The following KIF5C variants were observed in gnomAD, a reference collection of about 807,000 sequenced individuals.
KIF5C encodes kinesin family member 5C, also known as kinesin heavy chain isoform 5C.
Under a neutral mutation model 125.2 loss-of-function variants are expected in KIF5C, and 18 were observed. That is an observed-to-expected ratio of 0.14 (90% CI 0.10 to 0.21). The LOEUF (loss-of-function observed/expected upper bound fraction) is 0.21, where lower values mean the gene tolerates loss of function less well. Ranked by LOEUF, KIF5C falls within the 10% of genes least tolerant of loss-of-function variation. The pLI, the probability that KIF5C is intolerant of heterozygous loss-of-function variation, is 1.00. For synonymous variants in KIF5C, 405 were observed against 434.0 expected, an observed-to-expected ratio of 0.93 and a Z score of 0.83; for missense variants, 780 against 1,183.8, an observed-to-expected ratio of 0.66 and a Z score of 5.01.
chr2:148,994,551 CTAACGTGCAGGTGTCAAACACCTGG>C lies in KIF5C; in HGVS notation c.2023+14_2023+38del. On this transcript the variant is annotated intron_variant, in intron 17 of 25. Transcript: ENST00000435030. ...CTCCGAGCCCAGGGTAAATATTTGA[CTAACGTGCAGGTGTCAAACACCTGG>C]CCTGAGTCAGACAGCCTCTGGTTGG... 6.4e-7 allele frequency: 1 copy of C among 1,553,964 alleles called. No individual in the cohort carries two copies. The highest frequency in any genetic ancestry group is 8.7e-7 in the Non-Finnish European group (1 of 1,148,514).
chr2:148,907,084 G>T (rs1681140395), intron 1 of KIF5C, among the ~76,000 whole-genome samples: 1 of 152,116 alleles, frequency 6.6e-6, no homozygotes, highest in African/African-American at 2.4e-5. Context: ...GAAAGAAAAA[G>T]AAAAAACTGA....
At chr2:148,898,932 C>A (rs532130309) in intron 1 of KIF5C, among the ~76,000 whole-genome samples, 4 of 152,276 alleles carry the variant, frequency 2.6e-5, no homozygotes, top group Non-Finnish European at 5.9e-5. Context: ...TGTTAGAGAG[C>A]AGCAACGAAT....
chr2:148,984,785 T>C (rs1475335634), intron 15 of KIF5C, among the ~76,000 whole-genome samples: 1 of 151,594 alleles, frequency 6.6e-6, no homozygotes, highest in African/African-American at 2.4e-5. Flanking sequence ...TGGTTATTTG[T>C]TTATTTATTT....
intron 21 of KIF5C, among the ~76,000 whole-genome samples, chr2:149,003,035 G>A (rs1296261229): frequency 2.6e-5 from 4 of 151,988 alleles, no homozygotes. Flanking sequence ...GCCCATGCAC[G>A]CGGACAGACA....
At chr2:148,949,274 C>A (rs1486218105) in intron 8 of KIF5C, among the ~76,000 whole-genome samples, 2 of 152,174 alleles carry the variant, frequency 1.3e-5, no homozygotes, top group African/African-American at 4.8e-5. Flanking sequence ...TTTGACTTTT[C>A]ATTTCTCTCC....
Position 148,994,403 on chromosome 2 carries a change from C to G in KIF5C, c.1906-18C>G, listed in dbSNP as rs752544977. ...ACCACTTGCTAGTCATTCACTCTTC[C>G]TTTTTGCTTGTTTAAAGCACGAAGC... On this transcript the variant is annotated intron_variant, in intron 16 of 25. Transcript: ENST00000435030. 7.0e-5 allele frequency: 108 copies of G among 1,551,316 alleles called. No homozygotes were observed. The East Asian group carries it at 2.6e-3, about 37-fold the overall frequency.
intron 17 of KIF5C, among the ~76,000 whole-genome samples, chr2:148,996,713 A>G (rs1489598472): frequency 1.3e-5 from 2 of 152,176 alleles, no homozygotes; most frequent in Non-Finnish European, 2.9e-5. Flanking sequence ...TTTAATCTCA[A>G]AAATGTTATG....
At chr2:148,915,963 G>A (rs1323949649) in intron 1 of KIF5C, among the ~76,000 whole-genome samples, 1 of 152,166 alleles carries the variant, frequency 6.6e-6, no homozygotes, top group Non-Finnish European at 1.5e-5. Flanking sequence ...ACTCTTAATA[G>A]CCATTGACTA....
rs766843270 is a variant in KIF5C at position 149,000,802 on chromosome 2, G to A, written c.2373+20G>A. The A allele has an allele frequency of 5.6e-6, 9 of 1,612,104 alleles. No homozygotes were observed. Among genetic ancestry groups the A allele is most frequent in the Non-Finnish European group, 7.6e-6 (9 of 1,179,314 alleles). On this transcript the variant is annotated intron_variant, in intron 21 of 25. Transcript: ENST00000435030. Reference sequence around the variant, plus strand: ...ACAGTGGTATGTCAAGATATTTCCCGATTTATGTTTGTCTCCAAGACCGGA... The same window carrying A: ...ACAGTGGTATGTCAAGATATTTCCCAATTTATGTTTGTCTCCAAGACCGGA...
intron 8 of KIF5C, among the ~76,000 whole-genome samples, chr2:148,948,698 C>A (rs1017056079): frequency 6.6e-6 from 1 of 152,192 alleles, no homozygotes; most frequent in South Asian, 2.1e-4. Flanking sequence ...GGTGTTCTTC[C>A]CTTAGGCTGG....
In KIF5C at chr2:148,981,380, A is replaced by G; in HGVS notation, c.1388A>G (p.Tyr463Cys). 1 of 1,611,252 alleles carries G rather than the reference A, an allele frequency of 6.2e-7. No homozygotes were observed. Among genetic ancestry groups the G allele is most frequent in the Non-Finnish European group, 8.5e-7 (1 of 1,178,818 alleles). ...DELLASTRRD[Y>C]EKIQEELTRL... ...CTTTTAGCTTCCACAAGAAGAGACT[A>G]TGAGAAGATACAGGAGGAGCTGACA... The change falls in exon 14 of 26, where the codon TAT becomes TGT. Residue 463 changes from tyrosine (Y) to cysteine (C), a missense_variant. Physicochemically the swap from Tyr to Cys is radical, Grantham distance 194. Coordinates refer to ENST00000435030, the MANE Select transcript of KIF5C (RefSeq NM_004522.3).
At chr2:148,971,577 G>GA (rs1558925047) in intron 11 of KIF5C, among the ~76,000 whole-genome samples, 1 of 152,074 alleles carries the variant, frequency 6.6e-6, no homozygotes, top group African/African-American at 2.4e-5. Context: ...AATAATTTTA[G>GA]AAAAAACGCT....
intron 12 of KIF5C, among the ~76,000 whole-genome samples, chr2:148,977,336 A>C (rs1288812081): frequency 6.6e-6 from 1 of 152,154 alleles, no homozygotes; most frequent in African/African-American, 2.4e-5. Flanking sequence ...AGTTCACTCC[A>C]TTTCTCTCCT....
intron 17 of KIF5C, among the ~76,000 whole-genome samples, chr2:148,996,006 T>G (rs1382794989): frequency 1.3e-5 from 2 of 151,884 alleles, no homozygotes; most frequent in East Asian, 3.9e-4. Flanking sequence ...AATACAAAAA[T>G]TAGCAGGGTG....
chr2:148,989,204 A>C (rs1314870309), intron 15 of KIF5C, among the ~76,000 whole-genome samples: 2 of 152,106 alleles, frequency 1.3e-5, no homozygotes, highest in Non-Finnish European at 2.9e-5. Context: ...TATGAGTGAG[A>C]ATATACGATG....
intron 12 of KIF5C, among the ~76,000 whole-genome samples, chr2:148,976,332 C>G (rs1299255247): frequency 6.6e-6 from 1 of 151,686 alleles, no homozygotes; most frequent in Middle Eastern, 3.4e-3. Flanking sequence ...TCCAGTGGTG[C>G]GACCTCAGTG....
chr2:148,971,972 G>C (rs913682697), intron 11 of KIF5C, among the ~76,000 whole-genome samples: 4 of 151,688 alleles, frequency 2.6e-5, no homozygotes, highest in Non-Finnish European at 5.9e-5. Context: ...CTTGCTCTTG[G>C]CACCCAGGCT....
intron 15 of KIF5C, among the ~76,000 whole-genome samples, chr2:148,984,754 G>T (rs1681331410): frequency 1.3e-5 from 2 of 151,984 alleles, no homozygotes; most frequent in Non-Finnish European, 2.9e-5. Context: ...AATCCCTTGG[G>T]GTTGTACATA....
At chr2:148,990,409 T>C (rs751503097) in intron 15 of KIF5C, among the ~76,000 whole-genome samples, 9 of 152,244 alleles carry the variant, frequency 5.9e-5, no homozygotes, top group Non-Finnish European at 1.0e-4. Context: ...TGAAAAGTTA[T>C]GCTGAGAAAC....
Sources: gnomAD v4.1 joint callset for allele counts (sites outside exome capture counted in the v4.1 genomes callset) on GRCh38, gnomAD v4.1.1 for gene constraint, MANE v1.5 for transcripts, NCBI Gene and HGNC (gene_info 2026-07-23, HGNC 2026-07-21) for gene names.